Variants in GRIK1 observed in about 807,000 individuals in gnomAD.
GRIK1 encodes the protein glutamate receptor ionotropic, kainate 1.
In GRIK1, 69 loss-of-function variants were observed where a neutral mutation model predicts 105.7. The observed-to-expected ratio is 0.65, with a 90% CI of 0.54 to 0.80. The LOEUF (loss-of-function observed/expected upper bound fraction) is 0.80. Ranked by LOEUF, GRIK1 falls within the 30% of genes least tolerant of loss-of-function variation. The pLI, the probability that GRIK1 is intolerant of heterozygous loss-of-function variation, is 0.00. For synonymous variants in GRIK1, 438 were observed against 431.3 expected, an observed-to-expected ratio of 1.02 and a Z score of -0.19; for missense variants, 1,109 against 1,167.3, an observed-to-expected ratio of 0.95 and a Z score of 0.73.
intron 1 of GRIK1, among the ~76,000 whole-genome samples, chr21:29,818,704 C>A (rs2067220096): frequency 6.6e-6 from 1 of 152,066 alleles, no homozygotes; most frequent in Admixed American, 6.6e-5. Context: ...CGTAATACCA[C>A]TGGCACACAC....
intron 1 of GRIK1, among the ~76,000 whole-genome samples, chr21:29,753,437 T>A (rs931355772): frequency 6.6e-6 from 1 of 152,182 alleles, no homozygotes; most frequent in African/African-American, 2.4e-5. Flanking sequence ...GCAAATTGGA[T>A]GCTCAAGACA....
chr21:29,677,735 TC>T (rs1488129287), intron 3 of GRIK1, among the ~76,000 whole-genome samples: 4 of 152,248 alleles, frequency 2.6e-5, no homozygotes, highest in African/African-American at 7.2e-5. Context: ...AGAATATACC[TC>T]TGAGGTGAAT....
intron 1 of GRIK1, among the ~76,000 whole-genome samples, chr21:29,929,697 A>C (rs1179028128): frequency 6.6e-6 from 1 of 152,238 alleles, no homozygotes; most frequent in African/African-American, 2.4e-5. Context: ...GTGAAAAGGC[A>C]ACTCTTACAT....
chr21:29,803,959 A>G (rs2066784340), intron 1 of GRIK1, among the ~76,000 whole-genome samples: 1 of 152,112 alleles, frequency 6.6e-6, no homozygotes, highest in African/African-American at 2.4e-5. Flanking sequence ...GAGAAGGAAA[A>G]GAGCTGACTG....
intron 1 of GRIK1, among the ~76,000 whole-genome samples, chr21:29,805,974 A>T (rs1218922923): frequency 6.6e-6 from 1 of 152,182 alleles, no homozygotes; most frequent in Non-Finnish European, 1.5e-5. Flanking sequence ...GAAACCAAAC[A>T]TGCTATAAAT....
At chr21:29,897,577 T>A (rs1193784250) in intron 1 of GRIK1, among the ~76,000 whole-genome samples, 1 of 152,214 alleles carries the variant, frequency 6.6e-6, no homozygotes, top group African/African-American at 2.4e-5. Flanking sequence ...AATTTTACAT[T>A]CATGTTAAAC....
intron 7 of GRIK1, chr21:29,601,122 A>G: frequency 2.5e-6 from 1 of 401,228 alleles, no homozygotes; most frequent in Non-Finnish European, 5.4e-6. Context: ...TGGACTGAGC[A>G]AGGCAGACAG....
rs567891987 is a variant in GRIK1, at chr21:29,579,295, TGTTA to T, written c.1913-2118_1913-2115del. 2.8e-3 allele frequency among the ~76,000 whole-genome samples: 431 copies of T among 152,342 alleles called. 9 individuals carry two copies. In the South Asian group the frequency reaches 0.039, roughly 14 times the overall value. ...TTTTTGTGAATTTTGTAATTCTCCA[TGTTA>T]GTTAGAATTATTTAGAAATGGCTTC... On this transcript the variant is annotated intron_variant, in intron 13 of 17. Transcript: ENST00000327783.
At chr21:29,637,416 G>A (rs2062419700) in intron 7 of GRIK1, among the ~76,000 whole-genome samples, 1 of 152,182 alleles carries the variant, frequency 6.6e-6, no homozygotes, top group African/African-American at 2.4e-5. Flanking sequence ...AGACTGACCT[G>A]AGAAGCAGCT....
chr21:29,917,642 A>C (rs2071041930), intron 1 of GRIK1, among the ~76,000 whole-genome samples: 1 of 152,004 alleles, frequency 6.6e-6, no homozygotes, highest in Non-Finnish European at 1.5e-5. Flanking sequence ...ATTGTTGAGG[A>C]CAGTGGTCTC....
chr21:29,837,389 C>A (rs2067837097), intron 1 of GRIK1, among the ~76,000 whole-genome samples: 1 of 152,168 alleles, frequency 6.6e-6, no homozygotes. Context: ...TGCTTCTTAA[C>A]ATAGTTATGT....
intron 1 of GRIK1, among the ~76,000 whole-genome samples, chr21:29,937,942 A>G (rs1158873528): frequency 6.6e-6 from 1 of 152,192 alleles, no homozygotes; most frequent in African/African-American, 2.4e-5. Context: ...CTTTGAAACT[A>G]TTTTAGAAAA....
Position 29,587,258 on chromosome 21 carries a change from A to AAAACT in GRIK1, c.1793+103_1793+107dup, listed in dbSNP as rs1231066096. 7.8e-6 allele frequency: 5 copies of AAAACT among 640,804 alleles called. No individual in the cohort carries two copies. In the African/African-American group the frequency reaches 9.2e-5, roughly 12 times the overall value. The allele number at this position is 640,804 out of a possible 1,614,324, so 39.7% of individuals were successfully genotyped here. On this transcript the variant is annotated intron_variant, in intron 12 of 17. Transcript: ENST00000327783. The stretch of plus-strand genomic sequence containing the variant: ...ACCTTCCAAGAATAGAACACTAGGC[A>AAAACT]AAACTAAAAGTACACTTTAAAGTTC...
At chr21:29,904,842 G>A (rs1272299820) in intron 1 of GRIK1, among the ~76,000 whole-genome samples, 1 of 152,128 alleles carries the variant, frequency 6.6e-6, no homozygotes, top group East Asian at 1.9e-4. Flanking sequence ...CTTTGTGTTA[G>A]GACTGCTACC....
chr21:29,927,225 G>A (rs149359605), intron 1 of GRIK1, among the ~76,000 whole-genome samples: 293 of 151,538 alleles, frequency 1.9e-3, no homozygotes, highest in African/African-American at 6.7e-3. Context: ...AATGCAAATT[G>A]GAATCTTATT....
intron 7 of GRIK1, among the ~76,000 whole-genome samples, chr21:29,624,457 T>C (rs558525965): frequency 4.9e-4 from 74 of 152,278 alleles, no homozygotes; most frequent in Admixed American, 3.0e-3. Flanking sequence ...CTCTTATTAA[T>C]CATGCCACTT....
chr21:29,682,044 C>G (rs939151649), intron 3 of GRIK1, among the ~76,000 whole-genome samples: 11 of 152,180 alleles, frequency 7.2e-5, no homozygotes, highest in Non-Finnish European at 1.3e-4. Context: ...GTTTTCCAAG[C>G]CTGGGCTTGA....
chr21:29,905,341 G>A (rs2070572978), intron 1 of GRIK1, among the ~76,000 whole-genome samples: 1 of 152,020 alleles, frequency 6.6e-6, no homozygotes, highest in African/African-American at 2.4e-5. Context: ...AGGAAGGCTG[G>A]GTCCTAGAAG....
chr21:29,848,779 A>ATATATATATATATTTTTTTTTTTTT, intron 1 of GRIK1, among the ~76,000 whole-genome samples: 1 of 77,884 alleles, frequency 1.3e-5, no homozygotes, highest in African/African-American at 5.8e-5. Context: ...ATATATATAT[A>ATATATATATATATTTTTTTTTTTTT]TTTTTTTTTT....
Sources: allele counts gnomAD v4.1 joint callset (sites outside exome capture counted in the v4.1 genomes callset), GRCh38; gene constraint gnomAD v4.1.1; transcripts MANE v1.5; gene names NCBI Gene and HGNC (gene_info 2026-07-23, HGNC 2026-07-21).